Variants in NIPBL observed in about 807,000 individuals in gnomAD.
The protein encoded by NIPBL is NIPBL cohesin loading factor, also known as nipped-B-like protein.
A neutral mutation model predicts 321.8 loss-of-function variants in NIPBL; 19 were observed. That is an observed-to-expected ratio of 0.06 (90% CI 0.04 to 0.09). The LOEUF (loss-of-function observed/expected upper bound fraction) is 0.09. Ranked by LOEUF, NIPBL falls within the 10% of genes least tolerant of loss-of-function variation. The pLI, the probability that NIPBL is intolerant of heterozygous loss-of-function variation, is 1.00. For synonymous variants in NIPBL, 1,106 were observed against 1,114.1 expected (o/e 0.99, Z 0.14); for missense variants, 2,210 against 3,327.0 (o/e 0.66, Z 8.26).
intron 42 of NIPBL, among the ~76,000 whole-genome samples, chr5:37,055,714 G>A (rs1579594637): frequency 2.0e-5 from 3 of 152,014 alleles, no homozygotes; most frequent in African/African-American, 7.3e-5. Flanking sequence ...GACAAAAGCA[G>A]ATTGTAATTG....
At chr5:36,959,333 C>T (rs1421976622) in intron 4 of NIPBL, among the ~76,000 whole-genome samples, 3 of 152,196 alleles carry the variant, frequency 2.0e-5, no homozygotes, top group African/African-American at 7.2e-5. Context: ...TTTGCTGATT[C>T]TGTGTACTTG....
At chr5:36,962,421 T>G (rs1029639097) in intron 6 of NIPBL, 147 bp downstream of exon 6, 4 of 871,928 alleles carry the variant, frequency 4.6e-6, no homozygotes, top group Non-Finnish European at 7.3e-6. Context: ...ATGGCTTAAA[T>G]CATTAAAACA....
At position 37,014,705 on chromosome 5, in the gene NIPBL, C is replaced by T. The variant is rs1247929113; in HGVS notation, c.4583C>T (p.Thr1528Ile). The T allele has an allele frequency of 1.9e-6, 3 of 1,608,180 alleles. No homozygotes were observed. The highest frequency in any genetic ancestry group is 1.7e-5 in the Admixed American group (1 of 59,988). The change falls in exon 22 of 47, where the codon ACT becomes ATT. Residue 1528 changes from threonine to isoleucine, a missense_variant. Around this residue, in one of 14 missense-constraint regions of NIPBL, gnomAD observed 381 missense variants for 642.3 expected, o/e 0.59. Coordinates refer to ENST00000282516, the MANE Select transcript of NIPBL (RefSeq NM_133433.4). ...NKKIDQDVVI[T>I]NSYETAMRTA... The stretch of plus-strand genomic sequence containing the variant: ...TAGATTGACCAGGATGTTGTCATTA[C>T]TAACTCTTATGAAACAGCTATGCGA...
Position 36,985,105 on chromosome 5 carries a change from C to A in NIPBL, c.1925C>A (p.Thr642Asn). ...ETKSSENKLETKVETQTEELK... is the reference protein window; with the variant it reads ...ETKSSENKLENKVETQTEELK... ...AAATCAAGTGAAAATAAGTTAGAAA[C>A]TAAAGTTGAGACCCAAACAGAAGAA... Residue 642 changes from threonine to asparagine, a missense_variant, in exon 10 of 47, where the codon ACT becomes AAT. This residue lies in a region of NIPBL where 588 missense variants were observed against 564.1 expected (regional missense o/e 1.04). Transcript: ENST00000282516. 6.2e-7 allele frequency: 1 copy of A among 1,613,706 alleles called. No homozygotes were observed. Among genetic ancestry groups the A allele is most frequent in the Non-Finnish European group, 8.5e-7 (1 of 1,179,904 alleles).
At chr5:37,022,541 T>A in intron 29 of NIPBL, 151 bp downstream of exon 29, 1 of 699,094 alleles carries the variant, frequency 1.4e-6, no homozygotes, top group Non-Finnish European at 2.3e-6. Context: ...TCTAAACAAG[T>A]ACATATTTTC....
At position 36,961,228 on chromosome 5, in the gene NIPBL, T is replaced by C. The variant is rs572740778; in HGVS notation, c.359-256T>C. 3.9e-5 allele frequency among the ~76,000 whole-genome samples: 6 copies of C among 152,278 alleles called. No homozygotes were observed. The East Asian group carries it at 1.2e-3, about 29-fold the overall frequency. ...AATTCTAAGGCTAAATAATAGAATA[T>C]TGAGTAAGCAAGTAAATTTTTTTAA... On this transcript the variant is annotated intron_variant, in intron 4 of 46. Transcript: ENST00000282516.
chr5:36,886,355 T>C, intron 1 of NIPBL: 1 of 712,176 alleles, frequency 1.4e-6, no homozygotes, highest in African/African-American at 1.7e-5. Flanking sequence ...CACCGCCTGC[T>C]TGAAGATGGC....
Position 36,911,924 on chromosome 5 carries a change from G to A in NIPBL, c.-80+34746G>A, listed in dbSNP as rs376995908. 2.6e-5 allele frequency among the ~76,000 whole-genome samples: 4 copies of A among 152,294 alleles called. No individual in the cohort carries two copies. In the South Asian group the frequency reaches 8.3e-4, roughly 32 times the overall value. On this transcript the variant is annotated intron_variant, in intron 1 of 46. Transcript: ENST00000282516. ...CAGTGAATTTTATAAAACCTTGTGG[G>A]TAATGCAAAGAGTTTGACCTTTTTC...
At chr5:36,879,463 A>G (rs1231015578) in intron 1 of NIPBL, among the ~76,000 whole-genome samples, 1 of 152,236 alleles carries the variant, frequency 6.6e-6, no homozygotes, top group Non-Finnish European at 1.5e-5. Context: ...GTCCAAACCA[A>G]TTAAATACGT....
chr5:37,032,665 C>T (rs1031825452), intron 32 of NIPBL, among the ~76,000 whole-genome samples: 17 of 152,028 alleles, frequency 1.1e-4, no homozygotes, highest in African/African-American at 4.1e-4. Context: ...AATTCAGCTA[C>T]GTGGGAGGCA....
At position 36,975,756 on chromosome 5, in the gene NIPBL, C is replaced by T; in HGVS notation, c.869-20C>T. 3 of 1,612,098 alleles carry T rather than the reference C, an allele frequency of 1.9e-6. No homozygotes were observed. The highest frequency in any genetic ancestry group is 1.7e-6 in the Non-Finnish European group (2 of 1,178,792). On this transcript the variant is annotated intron_variant, in intron 8 of 46. Transcript: ENST00000282516. Reference sequence around the variant, plus strand: ...TGTGAAACCACCACAACTGTTACTTCTATCGAATTATTTTTCTAGGCTCAA... The same window carrying T: ...TGTGAAACCACCACAACTGTTACTTTTATCGAATTATTTTTCTAGGCTCAA...
intron 1 of NIPBL, among the ~76,000 whole-genome samples, chr5:36,947,958 G>A (rs1739869480): frequency 6.6e-6 from 1 of 151,816 alleles, no homozygotes; most frequent in South Asian, 2.1e-4. Context: ...TTTTCAGTTA[G>A]CAATATATCT....
At chr5:36,898,684 T>C (rs1189242423) in intron 1 of NIPBL, among the ~76,000 whole-genome samples, 1 of 152,102 alleles carries the variant, frequency 6.6e-6, no homozygotes, top group African/African-American at 2.4e-5. Flanking sequence ...CCCAATTTTG[T>C]ATTTTTAGCA....
intron 29 of NIPBL, among the ~76,000 whole-genome samples, chr5:37,023,498 A>G (rs1749887310): frequency 6.6e-6 from 1 of 152,176 alleles, no homozygotes; most frequent in Non-Finnish European, 1.5e-5. Flanking sequence ...AATTATTTTA[A>G]GTCAAACATT....
At chr5:36,886,026 T>C (rs1745877672) in intron 1 of NIPBL, 2 of 715,164 alleles carry the variant, frequency 2.8e-6, no homozygotes, top group Non-Finnish European at 5.2e-6. Flanking sequence ...TCTCAGCAGA[T>C]TGAGGAGAGC....
At chr5:36,991,745 GTTTTTTT>G (rs34780358) in intron 10 of NIPBL, among the ~76,000 whole-genome samples, 1 of 127,570 alleles carries the variant, frequency 7.8e-6, no homozygotes, top group African/African-American at 2.9e-5. Flanking sequence ...GCCTGCCCAA[GTTTTTTT>G]TTTTTTTTTT....
At chr5:36,958,421 G>C (rs1488646737) in intron 4 of NIPBL, among the ~76,000 whole-genome samples, 190 bp downstream of exon 4, 1 of 152,176 alleles carries the variant, frequency 6.6e-6, no homozygotes, top group Non-Finnish European at 1.5e-5. Context: ...TTGAGAATTA[G>C]ACAAAGCTTT....
At chr5:36,932,866 A>G (rs1322281076) in intron 1 of NIPBL, among the ~76,000 whole-genome samples, 1 of 145,260 alleles carries the variant, frequency 6.9e-6, no homozygotes, top group African/African-American at 2.6e-5. Flanking sequence ...AACTGCCATC[A>G]TAGCATACTA....
rs1426892058 is a variant in NIPBL, at chr5:36,986,095, A to T, written c.2915A>T (p.Glu972Val). The T allele has an allele frequency of 6.2e-7, 1 of 1,613,856 alleles. No individual in the cohort carries two copies. The highest frequency in any genetic ancestry group is 8.5e-7 in the Non-Finnish European group (1 of 1,179,938). ...KRDKDGNVTQ[E>V]TKKMEMKGEP... ...GATAAAGATGGCAATGTTACTCAGG[A>T]GACAAAGAAAATGGAAATGAAAGGA... Residue 972 changes from glutamate (E) to valine (V), a missense_variant, in exon 10 of 47, where the codon GAG (glutamate) becomes GTG (valine). Coordinates refer to ENST00000282516, the MANE Select transcript of NIPBL (RefSeq NM_133433.4).
Sources: gnomAD v4.1 joint callset for allele counts (sites outside exome capture counted in the v4.1 genomes callset) on GRCh38, gnomAD v4.1.1 for gene constraint, gnomAD v4.1.1 regional missense constraint, MANE v1.5 for transcripts, NCBI Gene and HGNC (gene_info 2026-07-23, HGNC 2026-07-21) for gene names.